Variants in VIPR2 observed in about 807,000 individuals in gnomAD.
The protein encoded by VIPR2 is vasoactive intestinal polypeptide receptor 2.
VIPR2 carries 48 observed loss-of-function variants against 58.0 expected under a neutral mutation model. The observed-to-expected ratio is 0.83, with a 90% CI of 0.66 to 1.05. The LOEUF (loss-of-function observed/expected upper bound fraction) is 1.05. Among genes scored for constraint, VIPR2 ranks in the 50% least tolerant of loss-of-function variants. The pLI is 0.00. For missense variants in VIPR2, 534 were observed against 558.0 expected, an observed-to-expected ratio of 0.96 and a Z score of 0.43; for synonymous variants, 243 against 235.2, an observed-to-expected ratio of 1.03 and a Z score of -0.30.
At position 159,090,065 on chromosome 7, in the gene VIPR2, C is replaced by G. The variant is rs1425782277; in HGVS notation, c.357+13692G>C. On this transcript the variant is annotated intron_variant, in intron 4 of 12. Transcript: ENST00000262178. Reference sequence around the variant, plus strand: ...ATCACAATCCCCGGTGACCTCAGCACAGACACGCTGGGACCACACACAGGG... The same window carrying G: ...ATCACAATCCCCGGTGACCTCAGCAGAGACACGCTGGGACCACACACAGGG... 8.2e-3 allele frequency among the ~76,000 whole-genome samples: 1,165 copies of G among 141,486 alleles called. 60 individuals carry two copies. The highest frequency in any genetic ancestry group is 0.03 in the African/African-American group (1,073 of 35,312). The allele number at this position is 141,486 out of a possible 152,430, so 92.8% of individuals were successfully genotyped here.
At chr7:159,124,577 G>A (rs1435534907) in intron 2 of VIPR2, among the ~76,000 whole-genome samples, 3 of 152,158 alleles carry the variant, frequency 2.0e-5, no homozygotes, top group African/African-American at 7.2e-5. Context: ...ACGGTAATGC[G>A]ATGCCTCCAG....
At chr7:159,068,125 T>C (rs1289119413) in intron 4 of VIPR2, among the ~76,000 whole-genome samples, 6 of 152,144 alleles carry the variant, frequency 3.9e-5, no homozygotes, top group Admixed American at 3.9e-4. Context: ...ATCAAGCACG[T>C]CCTAGAACCT....
At chr7:159,079,463 T>G (rs1422069522) in intron 4 of VIPR2, among the ~76,000 whole-genome samples, 1 of 151,854 alleles carries the variant, frequency 6.6e-6, no homozygotes, top group Non-Finnish European at 1.5e-5. Flanking sequence ...TGGGACACAT[T>G]CAAAGCAGTG....
At position 159,030,796 on chromosome 7, in the gene VIPR2, G is replaced by A. The variant is rs202164330; in HGVS notation, c.1144-7C>T. 5 of 1,566,242 alleles carry A rather than the reference G, an allele frequency of 3.2e-6. No individual in the cohort carries two copies. The East Asian group carries it at 7.1e-5, about 22-fold the overall frequency. Reference sequence around the variant, plus strand: ...GCTTCAGCTCGCACTGCACCTGGGAGGTGAGGGCAGCGGGAACGCCCGTGA... The same window carrying A: ...GCTTCAGCTCGCACTGCACCTGGGAAGTGAGGGCAGCGGGAACGCCCGTGA... On this transcript the variant is annotated splice_polypyrimidine_tract_variant and splice_region_variant and intron_variant, in intron 12 of 12. Transcript: ENST00000262178.
intron 2 of VIPR2, among the ~76,000 whole-genome samples, chr7:159,124,654 A>T (rs1796591071): frequency 6.6e-6 from 1 of 152,124 alleles, no homozygotes; most frequent in South Asian, 2.1e-4. Flanking sequence ...ATGAATTTTA[A>T]AATAGTTTTT....
In VIPR2 at chr7:159,030,804, C is replaced by T; in HGVS notation, c.1144-15G>A. On this transcript the variant is annotated splice_polypyrimidine_tract_variant and intron_variant, in intron 12 of 12. Coordinates refer to ENST00000262178, the MANE Select transcript of VIPR2 (RefSeq NM_003382.5). The stretch of plus-strand genomic sequence containing the variant: ...TCGCACTGCACCTGGGAGGTGAGGG[C>T]AGCGGGAACGCCCGTGAGCCTGGGC... The T allele has an allele frequency of 6.4e-7, 1 of 1,551,394 alleles. No homozygotes were observed. Among genetic ancestry groups the T allele is most frequent in the South Asian group, 1.2e-5 (1 of 83,818 alleles).
chr7:159,034,719 C>A, intron 8 of VIPR2, 69 bp from the exon 9 acceptor site: 1 of 1,342,212 alleles, frequency 7.5e-7, no homozygotes, highest in Non-Finnish European at 1.1e-6. Flanking sequence ...GAAGAATGAG[C>A]GCCTGCCCCT....
In VIPR2 at chr7:159,097,440, C is replaced by T. The variant is rs569277295; in HGVS notation, c.357+6317G>A. On this transcript the variant is annotated intron_variant, in intron 4 of 12. Transcript: ENST00000262178. The surrounding 1 kb of genome is among the most constrained non-coding windows in gnomAD (Gnocchi z 5.3). ...AGCCGGCCCCCTCGCGTGCCCACCA[C>T]GGTGTGCTGCTGAGGCCATTCCCGG... Among the ~76,000 whole-genome samples, 1 of 152,162 alleles carries T rather than the reference C, an allele frequency of 6.6e-6. No homozygotes were observed. The highest frequency in any genetic ancestry group is 1.5e-5 in the Non-Finnish European group (1 of 68,022).
intron 3 of VIPR2, among the ~76,000 whole-genome samples, chr7:159,104,655 C>T (rs1436019250): frequency 2.0e-5 from 3 of 149,970 alleles, no homozygotes; most frequent in African/African-American, 7.4e-5. Flanking sequence ...CCTCCCTCCT[C>T]CCAGCAACAC....
chr7:159,029,763 C>G lies in VIPR2; in HGVS notation c.*853G>C, dbSNP rs1853428755. On this transcript the variant is annotated 3_prime_UTR_variant, in exon 13 of 13. Coordinates refer to ENST00000262178, the MANE Select transcript of VIPR2 (RefSeq NM_003382.5). ...CCTTGCTCTCCTGATCTGGTTGTCTCCTCAGCCCGCCTTCCGTGGGGAGGC... is the reference window on the plus strand; with the variant it reads ...CCTTGCTCTCCTGATCTGGTTGTCTGCTCAGCCCGCCTTCCGTGGGGAGGC... 6.6e-6 allele frequency: 1 copy of G among 152,366 alleles called. No individual in the cohort carries two copies. Among genetic ancestry groups the G allele is most frequent in the South Asian group, 2.1e-4 (1 of 4,836 alleles). 9.4% of individuals were successfully genotyped at this position (152,366 alleles called of 1,614,324 possible).
chr7:159,101,265 G>A (rs1858211803), intron 4 of VIPR2, among the ~76,000 whole-genome samples: 2 of 148,044 alleles, frequency 1.4e-5, no homozygotes, highest in South Asian at 2.2e-4. Context: ...CACGAGATCC[G>A]ATGAGGCGGT....
Position 159,030,475 on chromosome 7 carries a change from A to T in VIPR2, c.*141T>A. ...CAATTCCAGGTATGGGGTTTAGTGG[A>T]CAACCAGCTTGACGGAGTCAGGACC... On this transcript the variant is annotated 3_prime_UTR_variant, in exon 13 of 13. Transcript: ENST00000262178. 9.7e-7 allele frequency: 1 copy of T among 1,030,528 alleles called. No individual in the cohort carries two copies. Among genetic ancestry groups the T allele is most frequent in the East Asian group, 3.0e-5 (1 of 33,470 alleles). 63.8% of individuals were successfully genotyped at this position (1,030,528 alleles called of 1,614,324 possible). A position where few individuals can be genotyped will look rare whatever the true frequency, so the allele number is the denominator to read the frequency against.
At chr7:159,045,140 G>A (rs1037963697) in intron 5 of VIPR2, among the ~76,000 whole-genome samples, 1 of 152,098 alleles carries the variant, frequency 6.6e-6, no homozygotes, top group Non-Finnish European at 1.5e-5. Context: ...TCCAGTCTGA[G>A]GAGCAGAAAG....
intron 2 of VIPR2, among the ~76,000 whole-genome samples, chr7:159,120,144 G>A (rs530445132): frequency 2.6e-5 from 4 of 152,196 alleles, no homozygotes; most frequent in South Asian, 2.1e-4. Context: ...CCACACAGCC[G>A]TGCCTGTGTT....
intron 2 of VIPR2, among the ~76,000 whole-genome samples, chr7:159,138,983 T>C (rs1797345962): frequency 6.6e-6 from 1 of 152,160 alleles, no homozygotes; most frequent in Admixed American, 6.5e-5. Context: ...CCATCTCCTC[T>C]GGGCACTGGA....
chr7:159,085,408 G>C (rs1039129837), intron 4 of VIPR2, among the ~76,000 whole-genome samples: 6 of 152,144 alleles, frequency 3.9e-5, no homozygotes, highest in African/African-American at 1.2e-4. Flanking sequence ...TGATTCTTTT[G>C]CCTCAGCCTC....
chr7:159,038,017 T>C (rs1191419446), intron 6 of VIPR2, among the ~76,000 whole-genome samples: 2 of 152,218 alleles, frequency 1.3e-5, no homozygotes, highest in Non-Finnish European at 2.9e-5. Context: ...CAGATGGCTA[T>C]CCCTATAAAT....
intron 4 of VIPR2, among the ~76,000 whole-genome samples, chr7:159,081,634 A>G (rs1856908746): frequency 6.6e-6 from 1 of 152,128 alleles, no homozygotes; most frequent in Non-Finnish European, 1.5e-5. Flanking sequence ...TAATTAAACT[A>G]AAGAGCTTCT....
intron 8 of VIPR2, chr7:159,035,623 G>A (rs1407165692): frequency 1.1e-6 from 1 of 943,616 alleles, no homozygotes; most frequent in African/African-American, 1.8e-5. Flanking sequence ...TTTGCTCCGG[G>A]TAAACAACAT....
Sources: allele counts gnomAD v4.1 joint callset (sites outside exome capture counted in the v4.1 genomes callset), GRCh38; gene constraint gnomAD v4.1.1; non-coding constraint Gnocchi (gnomAD v3.1); transcripts MANE v1.5; gene names NCBI Gene and HGNC (gene_info 2026-07-23, HGNC 2026-07-21).